The following PCDHA5 variants were observed in gnomAD, a reference collection of about 807,000 sequenced individuals.
PCDHA5 encodes the protein protocadherin alpha 5, also known as protocadherin alpha-5.
A neutral mutation model predicts 61.6 loss-of-function variants in PCDHA5; 43 were observed. The observed-to-expected ratio is 0.70, with a 90% CI of 0.55 to 0.90. The LOEUF is 0.90. Among genes scored for constraint, PCDHA5 ranks in the 40% least tolerant of loss-of-function variants. The pLI is 0.00. For missense variants in PCDHA5, 1,298 were observed against 1,222.7 expected (o/e 1.06, Z -0.92); for synonymous variants, 627 against 543.9 (o/e 1.15, Z -2.13).
chr5:140,882,302 C>A, intron 1 of PCDHA5: 1 of 1,613,798 alleles, frequency 6.2e-7, no homozygotes, highest in Non-Finnish European at 8.5e-7. Context: ...CCCAAGACCG[C>A]GGCAACTACT....
chr5:140,968,942 T>C (rs782129541), intron 1 of PCDHA5: 2 of 1,614,214 alleles, frequency 1.2e-6, no homozygotes, highest in South Asian at 2.2e-5. Context: ...AATCATCATT[T>C]TGAGCATCAT....
At position 140,917,487 on chromosome 5, in the gene PCDHA5, A is replaced by T. The variant is rs1303002890; in HGVS notation, c.2353-61462A>T. Among the ~76,000 whole-genome samples, 3 of 152,232 alleles carry T rather than the reference A, an allele frequency of 2.0e-5. No individual in the cohort carries two copies. The East Asian group carries it at 5.8e-4, about 29-fold the overall frequency. The stretch of plus-strand genomic sequence containing the variant: ...TGTCATGAAATCTTTGCCAGGGCCT[A>T]TGCCCAGAATGATATTTTCTAGGTT... On this transcript the variant is annotated intron_variant, in intron 1 of 3. Coordinates refer to ENST00000529859, the MANE Select transcript of PCDHA5 (RefSeq NM_018908.3).
At chr5:140,851,758 C>A (rs1554145527) in intron 1 of PCDHA5, 1 of 969,910 alleles carries the variant, frequency 1.0e-6, no homozygotes, top group Non-Finnish European at 1.2e-6. Flanking sequence ...TAACTTAAAA[C>A]ATTACCCTTA....
At chr5:140,862,555 G>A (rs926436647) in intron 1 of PCDHA5, 1 of 467,658 alleles carries the variant, frequency 2.1e-6, no homozygotes, top group South Asian at 1.7e-5. Flanking sequence ...TGGCCGAACA[G>A]TGAACCACAA....
Position 140,822,854 on chromosome 5 carries a change from A to G in PCDHA5, c.1079A>G (p.Glu360Gly), listed in dbSNP as rs2150119822. The change falls in exon 1 of 4, where the codon GAG becomes GGG. Residue 360 changes from glutamate to glycine, a missense_variant. Physicochemically the swap from Glu to Gly is moderately conservative, Grantham distance 98 (BLOSUM62 -2). Coordinates refer to ENST00000529859, the MANE Select transcript of PCDHA5 (RefSeq NM_018908.3). ...AITTLFLPVK[E>G]DAPLSTVIAL... ...ACCACCCTTTTCCTGCCTGTCAAAG[A>G]GGACGCTCCACTCAGCACGGTCATT... 6.2e-7 allele frequency: 1 copy of G among 1,614,206 alleles called. No individual in the cohort carries two copies. The highest frequency in any genetic ancestry group is 8.5e-7 in the Non-Finnish European group (1 of 1,180,050).
At chr5:140,955,469 T>C (rs1324804121) in intron 1 of PCDHA5, among the ~76,000 whole-genome samples, 11 of 152,208 alleles carry the variant, frequency 7.2e-5, no homozygotes, top group Middle Eastern at 3.4e-3. Flanking sequence ...CCTTTTTGCT[T>C]GGCACCTCTC....
intron 1 of PCDHA5, chr5:140,884,136 G>A (rs371124724): frequency 1.2e-6 from 2 of 1,613,282 alleles, no homozygotes; most frequent in Non-Finnish European, 1.7e-6. Flanking sequence ...ATCCCGTTCC[G>A]CGTGGGGCTG....
intron 2 of PCDHA5, among the ~76,000 whole-genome samples, chr5:140,979,906 C>T (rs190577549): frequency 1.8e-4 from 27 of 152,204 alleles, no homozygotes; most frequent in African/African-American, 5.5e-4. Context: ...TAGATCAGTT[C>T]GTAAAGAGAA....
intron 3 of PCDHA5, among the ~76,000 whole-genome samples, chr5:140,996,029 C>T (rs915903807): frequency 6.6e-6 from 1 of 152,184 alleles, no homozygotes; most frequent in Admixed American, 6.5e-5. Context: ...GTTTAATGCT[C>T]CTAGCACTTA....
At position 140,969,614 on chromosome 5, in the gene PCDHA5, T is replaced by G. The variant is rs56144348; in HGVS notation, c.2353-9335T>G. The G allele has an allele frequency of 1.3e-3, 977 of 725,126 alleles. 8 individuals are homozygous for G. In the African/African-American group the frequency reaches 0.016, roughly 12 times the overall value. 44.9% of individuals were successfully genotyped at this position (725,126 alleles called of 1,614,324 possible). A position where few individuals can be genotyped will look rare whatever the true frequency, so the allele number is the denominator to read the frequency against. ...AATATTTAATGCTAAAACACAGATT[T>G]GTAGAGAAACAGGACAGGCCTTGGA... On this transcript the variant is annotated intron_variant, in intron 1 of 3. Transcript: ENST00000529859.
intron 1 of PCDHA5, chr5:140,824,614 T>TG (rs1768228041): frequency 1.6e-5 from 2 of 124,554 alleles, no homozygotes; most frequent in South Asian, 2.4e-4. Flanking sequence ...ATTAAAGTTT[T>TG]TTTTTTTTTT....
chr5:140,879,973 C>T (rs1554171113), intron 1 of PCDHA5, among the ~76,000 whole-genome samples: 1 of 152,200 alleles, frequency 6.6e-6, no homozygotes, highest in East Asian at 1.9e-4. Context: ...GGATAAACTC[C>T]TTTCAAGATC....
chr5:140,973,815 A>G (rs2096603789), intron 1 of PCDHA5, among the ~76,000 whole-genome samples: 1 of 152,224 alleles, frequency 6.6e-6, no homozygotes, highest in Admixed American at 6.5e-5. Flanking sequence ...CAGAATAGCA[A>G]AGTCAGTTCT....
intron 1 of PCDHA5, among the ~76,000 whole-genome samples, chr5:140,976,011 CTAAA>C (rs2096695708): frequency 6.6e-6 from 1 of 152,110 alleles, no homozygotes; most frequent in African/African-American, 2.4e-5. Context: ...TATTAAAGAA[CTAAA>C]TAATCACAGT....
chr5:140,995,265 G>A (rs1293855932), intron 3 of PCDHA5, among the ~76,000 whole-genome samples: 1 of 152,102 alleles, frequency 6.6e-6, no homozygotes, highest in African/African-American at 2.4e-5. Context: ...TTGAATACAA[G>A]CCCTTTGATA....
intron 1 of PCDHA5, among the ~76,000 whole-genome samples, chr5:140,945,698 T>C (rs530742031): frequency 3.9e-5 from 6 of 152,046 alleles, no homozygotes; most frequent in Non-Finnish European, 8.8e-5. Flanking sequence ...GTCCACTGAT[T>C]TGCAACAAAA....
At chr5:140,851,516 TA>T in intron 1 of PCDHA5, 1 of 906,320 alleles carries the variant, frequency 1.1e-6, no homozygotes, top group Non-Finnish European at 1.3e-6. Flanking sequence ...AAATATGTTT[TA>T]AAATGCCTGA....
chr5:140,941,242 T>TC (rs1312617364), intron 1 of PCDHA5, among the ~76,000 whole-genome samples: 1 of 141,172 alleles, frequency 7.1e-6, no homozygotes, highest in East Asian at 2.0e-4. Flanking sequence ...TTTCTTTCTT[T>TC]CTTTCTTTCT....
chr5:140,841,970 G>C, intron 1 of PCDHA5: 6 of 1,613,902 alleles, frequency 3.7e-6, no homozygotes, highest in Non-Finnish European at 5.1e-6. Context: ...AGCCACAGAT[G>C]GGGGCAAACC....
Sources: allele counts gnomAD v4.1 joint callset (sites outside exome capture counted in the v4.1 genomes callset), GRCh38; gene constraint gnomAD v4.1.1; transcripts MANE v1.5; gene names NCBI Gene and HGNC (gene_info 2026-07-23, HGNC 2026-07-21).